The following RTL9 variants were observed in gnomAD, a reference collection of about 807,000 sequenced individuals.
The protein encoded by RTL9 is retrotransposon Gag like 9.
RTL9 carries 19 observed loss-of-function variants against 44.7 expected under a neutral mutation model. The observed-to-expected ratio is 0.42, with a 90% CI of 0.30 to 0.62. The LOEUF (loss-of-function observed/expected upper bound fraction) is 0.62, where lower values mean the gene tolerates loss of function less well. RTL9 is among the 20% of genes least tolerant of loss of function. The probability of loss-of-function intolerance (pLI) is 0.16; values close to 1 mark genes in which losing one functional copy is unlikely to be tolerated. For missense variants in RTL9, 1,105 were observed against 1,080.6 expected (o/e 1.02, Z -0.32); for synonymous variants, 407 against 398.9 (o/e 1.02, Z -0.24).
intron 1 of RTL9, among the ~76,000 whole-genome samples, chrX:110,429,181 T>G (rs1463543804): frequency 8.9e-6 from 1 of 112,124 alleles, no homozygotes; most frequent in African/African-American, 3.2e-5. Context: ...TTTATATGTG[T>G]GTAGTCTTGC....
intron 1 of RTL9, among the ~76,000 whole-genome samples, chrX:110,362,895 T>C (rs1266231932): frequency 8.9e-6 from 1 of 112,016 alleles, no homozygotes; most frequent in Non-Finnish European, 1.9e-5. Context: ...TTAATTCTTA[T>C]AAAACACCTA....
exon 1 of RTL9, chrX:110,453,541 T>C (rs1458973264): frequency 1.7e-6 from 2 of 1,211,820 alleles, no homozygotes; most frequent in Admixed American, 4.3e-5. Flanking sequence ...TCTGGAGAGA[T>C]GTCTATGCCG....
chrX:110,381,511 T>A (rs912674422), intron 1 of RTL9, among the ~76,000 whole-genome samples: 1 of 111,879 alleles, frequency 8.9e-6, no homozygotes, highest in Non-Finnish European at 1.9e-5. Flanking sequence ...GGAAAGCAGT[T>A]AAAGATTTCT....
upstream of RTL9, among the ~76,000 whole-genome samples, chrX:110,447,858 G>A (rs2148346409): frequency 9.0e-6 from 1 of 111,432 alleles, no homozygotes; most frequent in South Asian, 3.8e-4. Context: ...AAGGCTCAGG[G>A]ACCAATTCTC....
intron 1 of RTL9, among the ~76,000 whole-genome samples, chrX:110,434,228 C>T (rs1249228990): frequency 2.7e-5 from 3 of 111,308 alleles, no homozygotes; most frequent in Admixed American, 9.5e-5. Context: ...GGGGAGTGGA[C>T]GAGTATTTGG....
At chrX:110,393,624 C>T (rs1263335204) in intron 1 of RTL9, among the ~76,000 whole-genome samples, 1 of 112,266 alleles carries the variant, frequency 8.9e-6, no homozygotes, top group East Asian at 2.8e-4. Flanking sequence ...CCTCTTCTCT[C>T]TTCATCCTCC....
At chrX:110,447,524 T>G (rs1007308184), upstream of RTL9, among the ~76,000 whole-genome samples, 1 of 110,404 alleles carries the variant, frequency 9.1e-6, no homozygotes, top group African/African-American at 3.3e-5. Context: ...TACAAAGAGA[T>G]AAAAATATTT....
At chrX:110,429,719 T>A (rs764719513) in intron 1 of RTL9, among the ~76,000 whole-genome samples, 36 of 111,270 alleles carry the variant, frequency 3.2e-4, no homozygotes, top group Non-Finnish European at 5.1e-4. Flanking sequence ...TGACCTCAAG[T>A]GTTCCACCTG....
At chrX:110,424,440 C>T (rs2068740228) in intron 1 of RTL9, among the ~76,000 whole-genome samples, 1 of 111,558 alleles carries the variant, frequency 9.0e-6, no homozygotes. Flanking sequence ...CAAACCCAGG[C>T]CTGCATGAGT....
rs761975642 is a variant in RTL9, at chrX:110,385,571, T to C, written c.-168+26655T>C. 7.1e-5 allele frequency among the ~76,000 whole-genome samples: 8 copies of C among 112,096 alleles called. No homozygotes were observed. The South Asian group carries it at 3.0e-3, about 42-fold the overall frequency. On this transcript the variant is annotated intron_variant, in intron 1 of 2. Transcript: ENST00000520821. ...ATCACTAACCTACTTTCTGTCTGTA[T>C]AGATTTGCCTCTTCTGGACATTTTA...
chrX:110,453,517 T>C (rs764446310), exon 1 of RTL9: 2 of 1,211,723 alleles, frequency 1.7e-6, no homozygotes, highest in Non-Finnish European at 2.2e-6. Flanking sequence ...ATGCCTTTAA[T>C]GTCAGCCATG....
intron 1 of RTL9, among the ~76,000 whole-genome samples, chrX:110,435,143 G>C (rs986263610): frequency 5.2e-5 from 5 of 96,006 alleles, no homozygotes; most frequent in Admixed American, 3.3e-4. Context: ...GGAAGAAGGA[G>C]GGAGTGAGGG....
At chrX:110,386,999 G>T (rs1318394091) in intron 1 of RTL9, among the ~76,000 whole-genome samples, 3 of 112,542 alleles carry the variant, frequency 2.7e-5, no homozygotes, top group Admixed American at 9.4e-5. Context: ...GCATGGAAAA[G>T]AATTGCTATG....
chrX:110,437,127 G>A (rs995410758), intron 1 of RTL9, among the ~76,000 whole-genome samples: 3 of 111,692 alleles, frequency 2.7e-5, no homozygotes, highest in Admixed American at 9.5e-5. Flanking sequence ...CAGAACTAGC[G>A]AGAGGAAAGG....
At chrX:110,390,295 T>C (rs997022335) in intron 1 of RTL9, among the ~76,000 whole-genome samples, 12 of 111,834 alleles carry the variant, frequency 1.1e-4, no homozygotes, top group Non-Finnish European at 2.3e-4. Context: ...TCAATTCAAG[T>C]TAAAAAATAA....
In RTL9 at chrX:110,376,975, G is replaced by T. The variant is rs1186957752; in HGVS notation, c.-168+18059G>T. On this transcript the variant is annotated intron_variant, in intron 1 of 2. Transcript: ENST00000520821. ...CCAAATCTGCCGGACCCACCTAGGG[G>T]CATGGAAACCACTTCCCGCTCTAGT... Among the ~76,000 whole-genome samples the T allele has an allele frequency of 2.7e-5, 3 of 111,949 alleles. No individual in the cohort carries two copies. The East Asian group carries it at 8.4e-4, about 31-fold the overall frequency.
At chrX:110,368,881 C>A (rs7883449) in intron 1 of RTL9, among the ~76,000 whole-genome samples, 16,966 of 110,964 alleles carry the variant, frequency 0.15, 2,281 homozygotes, top group African/African-American at 0.44. Context: ...TCAGATGGAC[C>A]CAGATATCCT....
intron 1 of RTL9, among the ~76,000 whole-genome samples, chrX:110,366,016 C>T (rs755142820): frequency 9.0e-6 from 1 of 111,475 alleles, no homozygotes; most frequent in African/African-American, 3.3e-5. Flanking sequence ...TAGATAGAAC[C>T]GAAATCTCTG....
exon 1 of RTL9, chrX:110,452,102 A>G (rs994325880): frequency 2.5e-6 from 3 of 1,210,356 alleles, no homozygotes; most frequent in Non-Finnish European, 1.1e-6. Flanking sequence ...CAGCCTCTGG[A>G]AAGATGTCCA....
Sources: gnomAD v4.1 joint callset for allele counts (sites outside exome capture counted in the v4.1 genomes callset) on GRCh38, gnomAD v4.1.1 for gene constraint, MANE v1.5 for transcripts, NCBI Gene and HGNC (gene_info 2026-07-23, HGNC 2026-07-21) for gene names.